The following GALNTL6 variants were observed in gnomAD, a reference collection of about 807,000 sequenced individuals.
The protein encoded by GALNTL6 is polypeptide N-acetylgalactosaminyltransferase like 6.
GALNTL6 carries 46 observed loss-of-function variants against 73.7 expected under a neutral mutation model. The ratio of observed to expected loss-of-function variants is 0.62; its 90% CI spans 0.49 to 0.80. GALNTL6 has a LOEUF of 0.80. Among genes scored for constraint, GALNTL6 ranks in the 30% least tolerant of loss-of-function variants. The pLI, the probability that GALNTL6 is intolerant of heterozygous loss-of-function variation, is 0.00. For synonymous variants in GALNTL6, 259 were observed against 263.7 expected, an observed-to-expected ratio of 0.98 and a Z score of 0.17; for missense variants, 604 against 755.0, an observed-to-expected ratio of 0.80 and a Z score of 2.34.
chr4:172,995,500 A>G (rs1029617179), intron 10 of GALNTL6, among the ~76,000 whole-genome samples: 9 of 152,216 alleles, frequency 5.9e-5, no homozygotes, highest in Non-Finnish European at 1.0e-4. Flanking sequence ...AGGAACTGCT[A>G]TTCCCGTAGA....
At chr4:172,842,977 G>C (rs1279796654) in intron 7 of GALNTL6, among the ~76,000 whole-genome samples, 1 of 152,072 alleles carries the variant, frequency 6.6e-6, no homozygotes, top group East Asian at 1.9e-4. Context: ...TCCTTGATGG[G>C]GGAAATGCAC....
At chr4:173,031,396 C>G (rs1712359837) in intron 12 of GALNTL6, among the ~76,000 whole-genome samples, 1 of 152,206 alleles carries the variant, frequency 6.6e-6, no homozygotes, top group African/African-American at 2.4e-5. Context: ...CATTTCTGTA[C>G]TATTTTAACT....
At position 172,865,396 on chromosome 4, in the gene GALNTL6, G is replaced by A. The variant is rs1744610829; in HGVS notation, c.924-17394G>A. On this transcript the variant is annotated intron_variant, in intron 7 of 12. Coordinates refer to ENST00000506823, the MANE Select transcript of GALNTL6 (RefSeq NM_001034845.3). The stretch of plus-strand genomic sequence containing the variant: ...ATAATATTCACAGTCTCATTCAGTA[G>A]AGTCCAAAGTGACATCTGGTTTGGA... 2.0e-5 allele frequency among the ~76,000 whole-genome samples: 3 copies of A among 152,208 alleles called. No individual in the cohort carries two copies. The South Asian group carries it at 6.2e-4, about 32-fold the overall frequency.
chr4:172,301,482 T>C (rs1355010975), intron 3 of GALNTL6, among the ~76,000 whole-genome samples: 1 of 152,198 alleles, frequency 6.6e-6, no homozygotes, highest in Admixed American at 6.5e-5. Flanking sequence ...CTCTGTTTTT[T>C]CCCCATCTTT....
intron 2 of GALNTL6, among the ~76,000 whole-genome samples, chr4:172,166,392 G>A (rs1408825214): frequency 6.6e-6 from 1 of 151,946 alleles, no homozygotes; most frequent in Non-Finnish European, 1.5e-5. Context: ...GTTGCAGTGA[G>A]CCGAGATCAC....
intron 5 of GALNTL6, among the ~76,000 whole-genome samples, chr4:172,728,551 T>G (rs529485944): frequency 2.6e-5 from 4 of 151,910 alleles, no homozygotes; most frequent in Non-Finnish European, 5.9e-5. Flanking sequence ...TGTGTATATA[T>G]ATTACATTTT....
chr4:172,075,255 G>A (rs1560911787), intron 2 of GALNTL6, among the ~76,000 whole-genome samples: 1 of 151,940 alleles, frequency 6.6e-6, no homozygotes, highest in Non-Finnish European at 1.5e-5. Context: ...AAATATTATA[G>A]GATTTTTTTT....
chr4:172,323,602 A>G (rs1334887622), intron 4 of GALNTL6, among the ~76,000 whole-genome samples: 2 of 152,148 alleles, frequency 1.3e-5, no homozygotes, highest in African/African-American at 4.8e-5. Context: ...ATAATTTGCT[A>G]TCTTTCTAAA....
intron 5 of GALNTL6, among the ~76,000 whole-genome samples, chr4:172,790,173 G>A (rs1739915228): frequency 6.6e-6 from 1 of 152,204 alleles, no homozygotes; most frequent in African/African-American, 2.4e-5. Context: ...TTTTGGTTCT[G>A]AGGGCCCAGC....
intron 2 of GALNTL6, among the ~76,000 whole-genome samples, chr4:171,833,682 A>G (rs571485003): frequency 6.6e-6 from 1 of 151,846 alleles, no homozygotes; most frequent in East Asian, 1.9e-4. Context: ...ATAATGTCCG[A>G]TTTCTGTATT....
At chr4:171,960,666 C>A in intron 2 of GALNTL6, among the ~76,000 whole-genome samples, 1 of 127,710 alleles carries the variant, frequency 7.8e-6, no homozygotes, top group Admixed American at 8.3e-5. Flanking sequence ...TAAAAAAACT[C>A]AGAGAAATGA....
intron 5 of GALNTL6, among the ~76,000 whole-genome samples, chr4:172,443,126 A>G (rs1314472361): frequency 1.3e-5 from 1 of 78,778 alleles, no homozygotes; most frequent in African/African-American, 8.7e-5. Flanking sequence ...ATATACATAT[A>G]TATATATATA....
chr4:172,145,420 G>A (rs959866679), intron 2 of GALNTL6, among the ~76,000 whole-genome samples: 47 of 152,018 alleles, frequency 3.1e-4, no homozygotes, highest in Non-Finnish European at 1.0e-4. Flanking sequence ...GATTATAGGC[G>A]TGTATTATTA....
At chr4:172,825,720 A>C (rs1742229704) in intron 7 of GALNTL6, among the ~76,000 whole-genome samples, 1 of 152,112 alleles carries the variant, frequency 6.6e-6, no homozygotes, top group Non-Finnish European at 1.5e-5. Flanking sequence ...AAAAAAAAAG[A>C]AAGCAGGTTT....
chr4:172,305,819 C>T (rs1232184046), intron 3 of GALNTL6, among the ~76,000 whole-genome samples: 2 of 151,994 alleles, frequency 1.3e-5, no homozygotes, highest in Non-Finnish European at 2.9e-5. Flanking sequence ...GGTGACTCAC[C>T]AGTTTTGTTT....
At chr4:171,944,080 A>G (rs1269634442) in intron 2 of GALNTL6, among the ~76,000 whole-genome samples, 1 of 152,048 alleles carries the variant, frequency 6.6e-6, no homozygotes, top group African/African-American at 2.4e-5. Flanking sequence ...ACATACAATG[A>G]TATCAGCAAT....
chr4:172,302,841 G>A (rs1229145429), intron 3 of GALNTL6, among the ~76,000 whole-genome samples: 1 of 151,388 alleles, frequency 6.6e-6, no homozygotes, highest in East Asian at 1.9e-4. Context: ...ATTCATTTAA[G>A]TTTGGCTGTT....
At chr4:171,989,099 A>G (rs1030518360) in intron 2 of GALNTL6, among the ~76,000 whole-genome samples, 10 of 152,138 alleles carry the variant, frequency 6.6e-5, no homozygotes, top group Non-Finnish European at 1.0e-4. Context: ...TAAGAGGTTT[A>G]GAAGCCTGGC....
chr4:172,313,187 T>G (rs546422220), intron 4 of GALNTL6, among the ~76,000 whole-genome samples: 8 of 142,356 alleles, frequency 5.6e-5, no homozygotes, highest in South Asian at 4.9e-4. Flanking sequence ...GTGCAGTGGC[T>G]TGATCTCGGC....
Sources: allele counts gnomAD v4.1 joint callset (sites outside exome capture counted in the v4.1 genomes callset), GRCh38; gene constraint gnomAD v4.1.1; transcripts MANE v1.5; gene names NCBI Gene and HGNC (gene_info 2026-07-23, HGNC 2026-07-21).